KCNJ6: variants seen among roughly 807,000 people sequenced by gnomAD.
KCNJ6 encodes potassium inwardly rectifying channel subfamily J member 6.
KCNJ6 carries 9 observed loss-of-function variants against 34.2 expected under a neutral mutation model. That is an observed-to-expected ratio of 0.26 (90% CI 0.16 to 0.46). The LOEUF is 0.46. KCNJ6 is among the 20% of genes least tolerant of loss of function. The pLI, the probability that KCNJ6 is intolerant of heterozygous loss-of-function variation, is 1.00. For missense variants in KCNJ6, 236 were observed against 531.3 expected, an observed-to-expected ratio of 0.44 and a Z score of 5.46; for synonymous variants, 196 against 207.1, an observed-to-expected ratio of 0.95 and a Z score of 0.46.
At chr21:37,799,714 T>G (rs2055260262) in intron 2 of KCNJ6, among the ~76,000 whole-genome samples, 1 of 152,220 alleles carries the variant, frequency 6.6e-6, no homozygotes, top group South Asian at 2.1e-4. Context: ...GTTTCCAGAA[T>G]GTCTGTTACA....
intron 2 of KCNJ6, among the ~76,000 whole-genome samples, chr21:37,790,375 TA>T (rs1383325648): frequency 6.6e-6 from 1 of 152,150 alleles, no homozygotes; most frequent in East Asian, 1.9e-4. Flanking sequence ...CACACAAAAC[TA>T]AAAACCAACA....
Position 37,607,482 on chromosome 21 carries a change from A to ATATATATATATATATATTTTTTT in KCNJ6, c.*17676_*17677insAAAAAAATATATATATATATATA. 4 of 136,762 alleles carry ATATATATATATATATATTTTTTT rather than the reference A, an allele frequency of 2.9e-5. No individual in the cohort carries two copies. Among genetic ancestry groups the ATATATATATATATATATTTTTTT allele is most frequent in the South Asian group, 4.8e-4 (2 of 4,158 alleles). The allele number at this position is 136,762 out of a possible 1,614,324, so 8.5% of individuals were successfully genotyped here. On this transcript the variant is annotated 3_prime_UTR_variant, in exon 4 of 4. Transcript: ENST00000609713. ...CTTAAAGATATATATATATATATAT[A>ATATATATATATATATATTTTTTT]TTTTTTTTTTATTTTAAAAAAATTT...
intron 2 of KCNJ6, among the ~76,000 whole-genome samples, chr21:37,833,018 TTTTC>T (rs200388166): frequency 5.4e-5 from 1 of 18,498 alleles, no homozygotes; most frequent in African/African-American, 2.1e-4. Flanking sequence ...ATTTCTTTTC[TTTTC>T]TTTTTTTTTG....
chr21:37,692,303 C>T (rs1024509418), intron 3 of KCNJ6, among the ~76,000 whole-genome samples: 1 of 151,992 alleles, frequency 6.6e-6, no homozygotes, highest in African/African-American at 2.4e-5. Flanking sequence ...CTCCCTTTAC[C>T]CTTGAGAAAA....
chr21:37,797,394 G>A (rs2055248692), intron 2 of KCNJ6, among the ~76,000 whole-genome samples: 1 of 152,176 alleles, frequency 6.6e-6, no homozygotes, highest in African/African-American at 2.4e-5. Flanking sequence ...GATTTAGTGT[G>A]AGTTATAAAC....
chr21:37,689,337 TA>T (rs11312343), intron 3 of KCNJ6, among the ~76,000 whole-genome samples: 152,356 of 152,356 alleles, frequency 1, 76,178 homozygotes, highest in Non-Finnish European at 1. Flanking sequence ...ATGGAATGGA[TA>T]AAGAAGTGTC....
At chr21:37,744,047 T>G (rs1206023714) in intron 2 of KCNJ6, among the ~76,000 whole-genome samples, 1 of 150,472 alleles carries the variant, frequency 6.6e-6, no homozygotes, top group Non-Finnish European at 1.5e-5. Flanking sequence ...CAATAATGGA[T>G]AGTATATCGC....
At chr21:37,835,596 G>A (rs921717785) in intron 2 of KCNJ6, among the ~76,000 whole-genome samples, 1 of 152,212 alleles carries the variant, frequency 6.6e-6, no homozygotes, top group African/African-American at 2.4e-5. Context: ...CTATTTGCCT[G>A]CCTCTGGACA....
rs8132269 is a variant in KCNJ6 at position 37,622,295 on chromosome 21, T to A, written c.*2864A>T. 6.6e-6 allele frequency: 1 copy of A among 152,066 alleles called. No homozygotes were observed. Among genetic ancestry groups the A allele is most frequent in the South Asian group, 2.1e-4 (1 of 4,806 alleles). The allele number at this position is 152,066 out of a possible 1,614,324, so 9.4% of individuals were successfully genotyped here. A position where few individuals can be genotyped will look rare whatever the true frequency, so the allele number is the denominator to read the frequency against. On this transcript the variant is annotated 3_prime_UTR_variant, in exon 4 of 4. Coordinates refer to ENST00000609713, the MANE Select transcript of KCNJ6 (RefSeq NM_002240.5). ...CATTGCACTTGGTTTGCTAATGGAG[T>A]GACTGAGGGAATGAGGACTGGATAT...
At chr21:37,671,850 T>G (rs1484768774) in intron 3 of KCNJ6, among the ~76,000 whole-genome samples, 1 of 151,678 alleles carries the variant, frequency 6.6e-6, no homozygotes, top group South Asian at 2.1e-4. Context: ...ATGCGGAGTT[T>G]GTTTCTTCCT....
intron 2 of KCNJ6, among the ~76,000 whole-genome samples, chr21:37,831,815 G>T (rs533139430): frequency 6.3e-4 from 96 of 152,280 alleles, no homozygotes; most frequent in African/African-American, 2.2e-3. Flanking sequence ...TTGTCAGAAG[G>T]CGGTCTTGCG....
At chr21:37,838,536 C>T (rs1304985392) in intron 2 of KCNJ6, among the ~76,000 whole-genome samples, 1 of 152,196 alleles carries the variant, frequency 6.6e-6, no homozygotes, top group African/African-American at 2.4e-5. Context: ...AGCCACTGAT[C>T]CTCCTGTCAT....
chr21:37,899,540 T>C (rs2055806606), intron 1 of KCNJ6, among the ~76,000 whole-genome samples: 1 of 152,154 alleles, frequency 6.6e-6, no homozygotes, highest in African/African-American at 2.4e-5. Context: ...GCTGACACTC[T>C]TAAAATCTCT....
At chr21:37,772,435 C>T (rs2055122074) in intron 2 of KCNJ6, among the ~76,000 whole-genome samples, 1 of 152,048 alleles carries the variant, frequency 6.6e-6, no homozygotes, top group Non-Finnish European at 1.5e-5. Context: ...TGGAAATTAC[C>T]TGTTTTTCAT....
chr21:37,837,259 A>C (rs986172783), intron 2 of KCNJ6, among the ~76,000 whole-genome samples: 1 of 152,058 alleles, frequency 6.6e-6, no homozygotes, highest in Non-Finnish European at 1.5e-5. Context: ...AAAATATTTT[A>C]AAGTATTTTT....
At chr21:37,907,223 A>T (rs2055846006) in intron 1 of KCNJ6, among the ~76,000 whole-genome samples, 1 of 152,164 alleles carries the variant, frequency 6.6e-6, no homozygotes, top group Non-Finnish European at 1.5e-5. Flanking sequence ...TGAGTCCTGT[A>T]CCCTTCCTCT....
At chr21:37,800,160 A>C (rs892440677) in intron 2 of KCNJ6, among the ~76,000 whole-genome samples, 33 of 152,286 alleles carry the variant, frequency 2.2e-4, no homozygotes, top group African/African-American at 6.3e-4. Flanking sequence ...GGCTGGAACA[A>C]ACCGTGCCCT....
At chr21:37,667,213 C>T (rs1263298019) in intron 3 of KCNJ6, among the ~76,000 whole-genome samples, 2 of 133,964 alleles carry the variant, frequency 1.5e-5, no homozygotes, top group Non-Finnish European at 3.1e-5. Flanking sequence ...GCAAAGTGTC[C>T]AGACCCAAAC....
intron 2 of KCNJ6, among the ~76,000 whole-genome samples, chr21:37,731,129 T>G (rs77342735): frequency 9.1e-5 from 12 of 132,044 alleles, no homozygotes; most frequent in South Asian, 2.5e-4. Context: ...GTGTGTGTGT[T>G]TGTGTGCCTG....
Sources: gnomAD v4.1 joint callset for allele counts (sites outside exome capture counted in the v4.1 genomes callset) on GRCh38, gnomAD v4.1.1 for gene constraint, MANE v1.5 for transcripts, NCBI Gene and HGNC (gene_info 2026-07-23, HGNC 2026-07-21) for gene names.